The following PCDHGA4 variants were observed in gnomAD, a reference collection of about 807,000 sequenced individuals.
PCDHGA4 encodes the protein protocadherin gamma subfamily A, 4.
In PCDHGA4, 38 loss-of-function variants were observed where a neutral mutation model predicts 54.6. The ratio of observed to expected loss-of-function variants is 0.70; its 90% CI spans 0.54 to 0.91. The LOEUF is 0.91. PCDHGA4 is among the 40% of genes least tolerant of loss of function. PCDHGA4 has a pLI of 0.00. For missense variants in PCDHGA4, 1,298 were observed against 1,220.9 expected (o/e 1.06, Z -0.94); for synonymous variants, 511 against 512.9 (o/e 1.00, Z 0.05).
At chr5:141,463,338 G>A (rs1005543705) in intron 1 of PCDHGA4, among the ~76,000 whole-genome samples, 2 of 150,742 alleles carry the variant, frequency 1.3e-5, no homozygotes, top group African/African-American at 2.4e-5. Flanking sequence ...CAAAACCATG[G>A]TGTTATTCTT....
chr5:141,400,459 G>T, intron 1 of PCDHGA4: 1 of 1,614,072 alleles, frequency 6.2e-7, no homozygotes, highest in African/African-American at 1.3e-5. Context: ...CATACTTTGT[G>T]GTGATTCATC....
chr5:141,384,202 G>A (rs752360983), intron 1 of PCDHGA4: 9 of 1,613,734 alleles, frequency 5.6e-6, no homozygotes, highest in Non-Finnish European at 6.8e-6. Flanking sequence ...CTTGTCCAGG[G>A]AAACTCACAT....
intron 1 of PCDHGA4, among the ~76,000 whole-genome samples, chr5:141,446,120 T>C (rs2098489182): frequency 6.6e-6 from 1 of 152,196 alleles, no homozygotes; most frequent in Admixed American, 6.5e-5. Flanking sequence ...AGGAAATGGG[T>C]TCAATAAGAC....
intron 1 of PCDHGA4, among the ~76,000 whole-genome samples, chr5:141,468,791 G>A (rs941787269): frequency 2.6e-5 from 4 of 151,954 alleles, no homozygotes; most frequent in East Asian, 3.9e-4. Context: ...GCGTGAACCC[G>A]GGAGGCGGAA....
rs781345070 is a variant in PCDHGA4 at position 141,371,941 on chromosome 5, C to T, written c.2514+14320C>T. 8 of 1,613,174 alleles carry T rather than the reference C, an allele frequency of 5.0e-6. No individual in the cohort carries two copies. The South Asian group carries it at 7.7e-5, about 15-fold the overall frequency. On this transcript the variant is annotated intron_variant, in intron 1 of 3. Transcript: ENST00000571252. ...AGCGCGCGGAGCGGGGTGGTGTTCG[C>T]GCAGCGAGCCTTCGACCACGAGCAG...
intron 1 of PCDHGA4, chr5:141,372,273 C>G (rs201775561): frequency 6.2e-7 from 1 of 1,613,108 alleles, no homozygotes; most frequent in Non-Finnish European, 8.5e-7. Flanking sequence ...GGGTGAGGTG[C>G]GCACGGCGCG....
chr5:141,482,530 C>CAAAAAAAAAAAAAAAAAA (rs3074545), intron 1 of PCDHGA4, among the ~76,000 whole-genome samples: 1 of 76,562 alleles, frequency 1.3e-5, no homozygotes, highest in Non-Finnish European at 2.6e-5. Flanking sequence ...GACAGACATG[C>CAAAAAAAAAAAAAAAAAA]AAAAAAAAAA....
chr5:141,494,775 A>G (rs1202233200), intron 1 of PCDHGA4, 32 bp from the exon 2 acceptor site: 1 of 1,613,580 alleles, frequency 6.2e-7, no homozygotes. Flanking sequence ...TCTCACGGGT[A>G]CTCAGCCCCT....
At chr5:141,415,066 C>A in intron 1 of PCDHGA4, 1 of 1,613,410 alleles carries the variant, frequency 6.2e-7, no homozygotes, top group Non-Finnish European at 8.5e-7. Flanking sequence ...GGGCGAGGTG[C>A]GCACGGCGCG....
chr5:141,370,554 C>G, intron 1 of PCDHGA4: 2 of 1,613,894 alleles, frequency 1.2e-6, no homozygotes, highest in Non-Finnish European at 1.7e-6. Flanking sequence ...CGCCAAGGAC[C>G]TGGGGTTTGG....
chr5:141,398,135 G>C, intron 1 of PCDHGA4: 1 of 1,556,792 alleles, frequency 6.4e-7, no homozygotes, highest in Non-Finnish European at 8.6e-7. Context: ...GGGATGGGGA[G>C]CGGCGCCGGG....
Position 141,432,538 on chromosome 5 carries a change from G to T in PCDHGA4, c.2515-62269G>T, listed in dbSNP as rs200601557. 1 of 1,613,908 alleles carries T rather than the reference G, an allele frequency of 6.2e-7. No individual in the cohort carries two copies. Among genetic ancestry groups the T allele is most frequent in the African/African-American group, 1.3e-5 (1 of 74,936 alleles). Reference sequence around the variant, plus strand: ...GCTACCTGGTGACCAAGGTGGTGGCGGTGGACAGAGACTCCGGCCAGAACG... The same window carrying T: ...GCTACCTGGTGACCAAGGTGGTGGCTGTGGACAGAGACTCCGGCCAGAACG... On this transcript the variant is annotated intron_variant, in intron 1 of 3. Coordinates refer to ENST00000571252, the MANE Select transcript of PCDHGA4 (RefSeq NM_018917.4). This position sits in a 1 kb window ranked among gnomAD's most constrained non-coding sequence, Gnocchi z 6.0.
chr5:141,410,018 T>C (rs773806211), intron 1 of PCDHGA4: 1 of 1,613,166 alleles, frequency 6.2e-7, no homozygotes, highest in African/African-American at 1.3e-5. Context: ...CTGGCTGTCC[T>C]ACCACGTGCT....
In PCDHGA4 at chr5:141,476,467, G is replaced by A. The variant is rs375302797; in HGVS notation, c.2515-18340G>A. On this transcript the variant is annotated intron_variant, in intron 1 of 3. Transcript: ENST00000571252. This position sits in a 1 kb window ranked among gnomAD's most constrained non-coding sequence, Gnocchi z 7.6. Reference sequence around the variant, plus strand: ...AGTTGGTAGTGGAGAACCCGCTGGAGCTGTTCAGCGTGGAAGTGGTGATCC... The same window carrying A: ...AGTTGGTAGTGGAGAACCCGCTGGAACTGTTCAGCGTGGAAGTGGTGATCC... The A allele has an allele frequency of 2.3e-5, 37 of 1,614,142 alleles. No individual in the cohort carries two copies. The African/African-American group carries it at 4.5e-4, about 20-fold the overall frequency.
At chr5:141,466,515 TTTTCCTCCCAAATTGA>T (rs2099124043) in intron 1 of PCDHGA4, among the ~76,000 whole-genome samples, 1 of 152,232 alleles carries the variant, frequency 6.6e-6, no homozygotes, top group Admixed American at 6.5e-5. Context: ...AGATCATTTT[TTTTCCTCCCAAATTGA>T]TGTAGATGGT....
At chr5:141,468,877 T>C (rs1321110515) in intron 1 of PCDHGA4, among the ~76,000 whole-genome samples, 2 of 149,546 alleles carry the variant, frequency 1.3e-5, no homozygotes, top group African/African-American at 4.9e-5. Context: ...AAAATAATAA[T>C]AATAATAATA....
At position 141,473,122 on chromosome 5, in the gene PCDHGA4, T is replaced by C. The variant is rs533113606; in HGVS notation, c.2515-21685T>C. On this transcript the variant is annotated intron_variant, in intron 1 of 3. Coordinates refer to ENST00000571252, the MANE Select transcript of PCDHGA4 (RefSeq NM_018917.4). ...TATTACCACACTTTACTTGGCTCTT[T>C]GGCAAACTATATTATCTCTTCAGAT... Among the ~76,000 whole-genome samples, 3 of 152,362 alleles carry C rather than the reference T, an allele frequency of 2.0e-5. No homozygotes were observed. In the East Asian group the frequency reaches 5.8e-4, roughly 29 times the overall value.
In PCDHGA4 at chr5:141,477,531, C is replaced by T. The variant is rs1316982512; in HGVS notation, c.2515-17276C>T. 5 of 1,614,162 alleles carry T rather than the reference C, an allele frequency of 3.1e-6. No homozygotes were observed. Among genetic ancestry groups the T allele is most frequent in the Middle Eastern group, 1.6e-4 (1 of 6,062 alleles). On this transcript the variant is annotated intron_variant, in intron 1 of 3. Transcript: ENST00000571252. This position sits in a 1 kb window ranked among gnomAD's most constrained non-coding sequence, Gnocchi z 4.9. ...GTTTACATTGAAGAAAACAACCTCC[C>T]CGGGGCTCCAATACTAAACCTAAGT... is the stretch of plus-strand genomic sequence containing the variant.
At chr5:141,464,312 C>T (rs2099081610) in intron 1 of PCDHGA4, among the ~76,000 whole-genome samples, 1 of 149,056 alleles carries the variant, frequency 6.7e-6, no homozygotes, top group South Asian at 2.1e-4. Flanking sequence ...GTGCACATAT[C>T]ATTATCTGTT....
Sources: gnomAD v4.1 joint callset for allele counts (sites outside exome capture counted in the v4.1 genomes callset) on GRCh38, gnomAD v4.1.1 for gene constraint, Gnocchi (gnomAD v3.1) non-coding constraint, MANE v1.5 for transcripts, NCBI Gene and HGNC (gene_info 2026-07-23, HGNC 2026-07-21) for gene names.